GPHN: variants seen among roughly 807,000 people sequenced by gnomAD.
GPHN encodes gephyrin.
In GPHN, 17 loss-of-function variants were observed where a neutral mutation model predicts 95.5. The ratio of observed to expected loss-of-function variants is 0.18; its 90% CI spans 0.12 to 0.27. The LOEUF is 0.27. GPHN is among the 10% of genes least tolerant of loss of function. The pLI is 1.00. For synonymous variants in GPHN, 320 were observed against 322.5 expected (o/e 0.99, Z 0.08); for missense variants, 660 against 978.1 (o/e 0.67, Z 4.34).
intron 4 of GPHN, among the ~76,000 whole-genome samples, chr14:66,835,825 G>A (rs1233897294): frequency 1.3e-5 from 2 of 152,040 alleles, no homozygotes; most frequent in African/African-American, 4.8e-5. Flanking sequence ...CAAATCGTGA[G>A]TGAACTCCCA....
chr14:67,233,886 G>T, the GPHN span, among the ~76,000 whole-genome samples: 23,593 of 152,206 alleles, frequency 0.16, 3,462 homozygotes, highest in East Asian at 0.42. Flanking sequence ...GATTCCGGCT[G>T]ATAGTTGAAT....
At chr14:66,616,777 G>T (rs2063056739) in intron 1 of GPHN, among the ~76,000 whole-genome samples, 1 of 151,990 alleles carries the variant, frequency 6.6e-6, no homozygotes, top group South Asian at 2.1e-4. Flanking sequence ...GTGCCATCTT[G>T]GCTCACTGCA....
the GPHN span, among the ~76,000 whole-genome samples, chr14:67,538,574 C>T: frequency 6.6e-6 from 1 of 152,128 alleles, no homozygotes; most frequent in Non-Finnish European, 1.5e-5. Flanking sequence ...TTCCTTTAAC[C>T]TCCCTTATTT....
chr14:66,575,423 T>G (rs2060863712), intron 1 of GPHN, among the ~76,000 whole-genome samples: 1 of 152,254 alleles, frequency 6.6e-6, no homozygotes, highest in Admixed American at 6.5e-5. Flanking sequence ...TATTTTGAAT[T>G]GTCAGATGGT....
the GPHN span, among the ~76,000 whole-genome samples, chr14:67,220,830 C>T: frequency 6.6e-6 from 1 of 152,152 alleles, no homozygotes; most frequent in Non-Finnish European, 1.5e-5. Context: ...TAGAAAATTA[C>T]GATTTTAACA....
intron 12 of GPHN, among the ~76,000 whole-genome samples, chr14:67,093,974 T>C (rs1247046234): frequency 6.6e-6 from 1 of 152,142 alleles, no homozygotes; most frequent in African/African-American, 2.4e-5. Context: ...CTATTCCTTC[T>C]GCCTTATTTC....
the GPHN span, chr14:67,241,985 G>A: frequency 3.3e-5 from 5 of 152,304 alleles, no homozygotes; most frequent in Middle Eastern, 3.4e-3. Context: ...CTCAGCTGCT[G>A]GTATTCTGCT....
the GPHN span, chr14:67,586,973 A>G: frequency 1.3e-6 from 2 of 1,537,452 alleles, no homozygotes; most frequent in Non-Finnish European, 1.8e-6. Context: ...GAGATTAAAT[A>G]AACTGAGGCC....
intron 1 of GPHN, among the ~76,000 whole-genome samples, chr14:66,585,610 A>G (rs1462630934): frequency 6.6e-6 from 1 of 152,168 alleles, no homozygotes; most frequent in Non-Finnish European, 1.5e-5. Flanking sequence ...GTTGGTTTCA[A>G]AGAACATCTT....
the GPHN span, among the ~76,000 whole-genome samples, chr14:67,362,693 TAAAG>T: frequency 3.3e-5 from 5 of 152,216 alleles, no homozygotes; most frequent in Admixed American, 6.5e-5. Context: ...GTGAAAAAGA[TAAAG>T]AGGTGAAGTC....
At chr14:66,917,441 G>C (rs2065969792) in intron 6 of GPHN, among the ~76,000 whole-genome samples, 1 of 152,128 alleles carries the variant, frequency 6.6e-6, no homozygotes, top group Non-Finnish European at 1.5e-5. Context: ...CCTCTTTGGA[G>C]ATACCAATGC....
intron 21 of GPHN, among the ~76,000 whole-genome samples, chr14:67,175,792 A>G (rs1432497992): frequency 6.6e-6 from 1 of 152,206 alleles, no homozygotes; most frequent in Non-Finnish European, 1.5e-5. Context: ...GAGGTCCTTC[A>G]CATCCCTTGT....
chr14:66,671,287 A>G (rs1268454401), intron 1 of GPHN, among the ~76,000 whole-genome samples: 2 of 152,226 alleles, frequency 1.3e-5, no homozygotes, highest in Non-Finnish European at 2.9e-5. Flanking sequence ...AATGAAGATA[A>G]GAAGTGGAAA....
the GPHN span, among the ~76,000 whole-genome samples, chr14:67,396,061 C>G: frequency 1.3e-5 from 2 of 152,188 alleles, no homozygotes; most frequent in African/African-American, 4.8e-5. Flanking sequence ...TTTCCTGTGT[C>G]TAAGCATCAA....
chr14:66,528,389 A>G (rs1566548772), intron 1 of GPHN, among the ~76,000 whole-genome samples: 1 of 152,160 alleles, frequency 6.6e-6, no homozygotes, highest in Non-Finnish European at 1.5e-5. Flanking sequence ...TGAATACAGC[A>G]CACCAATGGG....
At chr14:67,221,084 G>A in the GPHN span, among the ~76,000 whole-genome samples, 9 of 152,120 alleles carry the variant, frequency 5.9e-5, no homozygotes, top group Non-Finnish European at 1.5e-5. Context: ...ATGAGGTTAA[G>A]GAAATAAGTA....
the GPHN span, among the ~76,000 whole-genome samples, chr14:67,307,721 T>G: frequency 1.3e-5 from 2 of 152,132 alleles, no homozygotes; most frequent in African/African-American, 2.4e-5. Context: ...TTCACTATTT[T>G]CTCTTCTACA....
the GPHN span, among the ~76,000 whole-genome samples, chr14:67,424,463 C>A: frequency 6.6e-6 from 1 of 151,432 alleles, no homozygotes; most frequent in Non-Finnish European, 1.5e-5. Flanking sequence ...ATGAAAAATA[C>A]AGGTGTGTGC....
intron 2 of GPHN, among the ~76,000 whole-genome samples, chr14:66,739,028 C>T (rs1352252079): frequency 6.6e-6 from 1 of 151,866 alleles, no homozygotes; most frequent in East Asian, 1.9e-4. Flanking sequence ...ACTCTGCTTA[C>T]CCCCATCTTA....
Sources: gnomAD v4.1 joint callset for allele counts (sites outside exome capture counted in the v4.1 genomes callset) on GRCh38, gnomAD v4.1.1 for gene constraint, MANE v1.5 for transcripts, NCBI Gene and HGNC (gene_info 2026-07-23, HGNC 2026-07-21) for gene names.